The following DLGAP2 variants were observed in gnomAD, a reference collection of about 807,000 sequenced individuals.
DLGAP2 encodes DLG associated protein 2, also known as disks large-associated protein 2.
Under a neutral mutation model 100.3 loss-of-function variants are expected in DLGAP2, and 26 were observed. That is an observed-to-expected ratio of 0.26 (90% CI 0.19 to 0.36). The LOEUF (loss-of-function observed/expected upper bound fraction) is 0.36. DLGAP2 is among the 10% of genes least tolerant of loss of function. The pLI is 1.00. For synonymous variants in DLGAP2, 886 were observed against 630.1 expected (o/e 1.41, Z -6.08); for missense variants, 1,858 against 1,453.2 (o/e 1.28, Z -4.53).
chr8:1,165,382 C>T (rs943102414), intron 2 of DLGAP2, among the ~76,000 whole-genome samples: 1 of 152,238 alleles, frequency 6.6e-6, no homozygotes, highest in Admixed American at 6.5e-5. Flanking sequence ...AGCGCTGGCA[C>T]AGCCGGGCTC....
chr8:1,345,066 GCC>G (rs1474518249), intron 3 of DLGAP2, among the ~76,000 whole-genome samples: 2 of 152,310 alleles, frequency 1.3e-5, no homozygotes, highest in African/African-American at 2.4e-5. Flanking sequence ...CAGTTATCTG[GCC>G]CTTTGCAAAG....
intron 2 of DLGAP2, among the ~76,000 whole-genome samples, chr8:918,222 G>T (rs1237328471): frequency 1.3e-5 from 2 of 152,152 alleles, no homozygotes; most frequent in Non-Finnish European, 2.9e-5. Context: ...ATGTGTGTTT[G>T]TGCATGCACT....
At chr8:1,502,586 T>A (rs1799760756) in intron 4 of DLGAP2, among the ~76,000 whole-genome samples, 1 of 152,234 alleles carries the variant, frequency 6.6e-6, no homozygotes, top group Admixed American at 6.5e-5. Flanking sequence ...GTGAAAGTAT[T>A]TCGACTTCTC....
intron 1 of DLGAP2, among the ~76,000 whole-genome samples, chr8:868,539 G>A (rs997478765): frequency 1.3e-5 from 2 of 152,326 alleles, no homozygotes; most frequent in African/African-American, 2.4e-5. Flanking sequence ...TCAAGTGACC[G>A]GAGACGGTGA....
At chr8:1,629,907 G>A (rs13280292) in intron 7 of DLGAP2, among the ~76,000 whole-genome samples, 34,069 of 151,960 alleles carry the variant, frequency 0.22, 4,244 homozygotes, top group Middle Eastern at 0.43. Flanking sequence ...TAGTTCTCTC[G>A]TCATCTTGCT....
chr8:956,455 A>AGG (rs1162513623), intron 2 of DLGAP2, among the ~76,000 whole-genome samples: 1 of 152,150 alleles, frequency 6.6e-6, no homozygotes, highest in African/African-American at 2.4e-5. Flanking sequence ...GCCAAATGAG[A>AGG]GGACCCTCTC....
chr8:1,528,459 T>C (rs1429035011), intron 4 of DLGAP2, among the ~76,000 whole-genome samples: 1 of 152,222 alleles, frequency 6.6e-6, no homozygotes, highest in Non-Finnish European at 1.5e-5. Context: ...CTCACATCTA[T>C]GAAAACTTCT....
rs187213100 is a variant in DLGAP2 at position 1,511,740 on chromosome 8, G to T, written c.172+10309G>T. Among the ~76,000 whole-genome samples the T allele has an allele frequency of 5.9e-5, 9 of 152,044 alleles. No individual in the cohort carries two copies. In the East Asian group the frequency reaches 1.6e-3, roughly 26 times the overall value. ...GCTGTCTAGTGTAAGACAATCAATA[G>T]ATGACCATCTTCCATGGACGTAAGG... On this transcript the variant is annotated intron_variant, in intron 4 of 14. Coordinates refer to ENST00000637795, the MANE Select transcript of DLGAP2 (RefSeq NM_001346810.2).
rs774131221 is a variant in DLGAP2 at position 1,363,012 on chromosome 8, C to A, written c.106+104129C>A. On this transcript the variant is annotated intron_variant, in intron 3 of 14. Coordinates refer to ENST00000637795, the MANE Select transcript of DLGAP2 (RefSeq NM_001346810.2). ...GGAAGCCACATCTCAGCCCCACCGC[C>A]GGACACAGGCCTGAGCCACCAGATC... 4.6e-5 allele frequency among the ~76,000 whole-genome samples: 7 copies of A among 152,314 alleles called. No homozygotes were observed. In the South Asian group the frequency reaches 1.5e-3, roughly 32 times the overall value.
At position 857,704 on chromosome 8, in the gene DLGAP2, C is replaced by T. The variant is rs531325012; in HGVS notation, c.19-50208C>T. On this transcript the variant is annotated intron_variant, in intron 1 of 14. Coordinates refer to ENST00000637795, the MANE Select transcript of DLGAP2 (RefSeq NM_001346810.2). ...AAGTGCTGGTGAGGATGTGGAGCAA[C>T]GGGAACTCTCATCCTCACTGTGGGG... Among the ~76,000 whole-genome samples the T allele has an allele frequency of 5.3e-5, 8 of 152,238 alleles. No individual in the cohort carries two copies. The East Asian group carries it at 5.8e-4, about 11-fold the overall frequency.
chr8:1,479,504 A>G (rs1799030481), intron 3 of DLGAP2, among the ~76,000 whole-genome samples: 1 of 152,204 alleles, frequency 6.6e-6, no homozygotes, highest in African/African-American at 2.4e-5. Context: ...ATCCATCCTG[A>G]AAGGGGGTGG....
At chr8:1,156,205 G>A (rs1004509502) in intron 2 of DLGAP2, among the ~76,000 whole-genome samples, 2 of 152,274 alleles carry the variant, frequency 1.3e-5, no homozygotes, top group Admixed American at 6.5e-5. Flanking sequence ...TCCCTCTGCC[G>A]CCGGGAGCGG....
intron 1 of DLGAP2, among the ~76,000 whole-genome samples, chr8:784,252 ATAGTT>A (rs1228713682): frequency 6.6e-6 from 1 of 152,262 alleles, no homozygotes; most frequent in Non-Finnish European, 1.5e-5. Flanking sequence ...AAAACTAACA[ATAGTT>A]TAGTCAAGAA....
intron 2 of DLGAP2, among the ~76,000 whole-genome samples, chr8:1,145,774 C>T (rs541900581): frequency 1.6e-3 from 210 of 134,732 alleles, no homozygotes; most frequent in African/African-American, 5.9e-3. Flanking sequence ...TCCCCCCACC[C>T]CACAATAGTC....
chr8:1,683,473 A>G (rs1015760538), intron 12 of DLGAP2, among the ~76,000 whole-genome samples: 15 of 151,364 alleles, frequency 9.9e-5, no homozygotes, highest in Non-Finnish European at 2.2e-4. Flanking sequence ...GGCATTCCCC[A>G]TACCCTGGGG....
intron 1 of DLGAP2, among the ~76,000 whole-genome samples, chr8:874,629 C>G (rs974600753): frequency 6.6e-6 from 1 of 152,146 alleles, no homozygotes; most frequent in African/African-American, 2.4e-5. Context: ...TATGGCTTAA[C>G]ATATGGTATA....
intron 3 of DLGAP2, among the ~76,000 whole-genome samples, chr8:1,259,171 G>T (rs1471510062): frequency 1.3e-5 from 2 of 152,196 alleles, no homozygotes; most frequent in Non-Finnish European, 2.9e-5. Flanking sequence ...TTTCTGTGAG[G>T]TAACAGATGC....
intron 2 of DLGAP2, among the ~76,000 whole-genome samples, chr8:1,170,093 GT>G (rs1797096759): frequency 6.6e-6 from 1 of 152,126 alleles, no homozygotes; most frequent in South Asian, 2.1e-4. Flanking sequence ...TTAGCATGAA[GT>G]GTTGTTGAAT....
intron 1 of DLGAP2, among the ~76,000 whole-genome samples, chr8:878,166 A>G (rs1797720172): frequency 6.6e-6 from 1 of 152,172 alleles, no homozygotes; most frequent in African/African-American, 2.4e-5. Context: ...GAGAGACTTG[A>G]ATATATTTAA....
Sources: gnomAD v4.1 joint callset for allele counts (sites outside exome capture counted in the v4.1 genomes callset) on GRCh38, gnomAD v4.1.1 for gene constraint, MANE v1.5 for transcripts, NCBI Gene and HGNC (gene_info 2026-07-23, HGNC 2026-07-21) for gene names.